The following PLAC1 variants were observed in gnomAD, a reference collection of about 807,000 sequenced individuals.
PLAC1 encodes the protein placenta-specific protein 1.
For synonymous variants in PLAC1, 68 were observed against 62.1 expected, an observed-to-expected ratio of 1.09 and a Z score of -0.44; for missense variants, 136 against 163.2, an observed-to-expected ratio of 0.83 and a Z score of 0.91.
In PLAC1 at chrX:134,576,326, C is replaced by T. The variant is rs771776231; in HGVS notation, c.-58-9586G>A. 3.0e-3 allele frequency among the ~76,000 whole-genome samples: 324 copies of T among 109,563 alleles called. 2 individuals carry two copies. Among genetic ancestry groups the T allele is most frequent in the Non-Finnish European group, 5.2e-3 (273 of 52,736 alleles). ...AGCTGAGGTGGGTGGATCACAAGGTCAGGAGTTCGAGACCAGCCTGGCCAA... is the reference window on the plus strand; with the variant it reads ...AGCTGAGGTGGGTGGATCACAAGGTTAGGAGTTCGAGACCAGCCTGGCCAA... On this transcript the variant is annotated intron_variant, in intron 2 of 2. Transcript: ENST00000359237.
At chrX:134,742,320 G>T (rs762101422) in intron 1 of PLAC1, among the ~76,000 whole-genome samples, 1 of 112,859 alleles carries the variant, frequency 8.9e-6, no homozygotes, top group African/African-American at 3.2e-5. Flanking sequence ...GGGCGCAGTG[G>T]CTCAAGCCTG....
At chrX:134,628,735 C>A (rs915718567) in intron 1 of PLAC1, among the ~76,000 whole-genome samples, 2 of 112,183 alleles carry the variant, frequency 1.8e-5, no homozygotes, top group African/African-American at 6.5e-5. Flanking sequence ...CTGCCTCTTT[C>A]TTTTAGTGGG....
intron 1 of PLAC1, among the ~76,000 whole-genome samples, chrX:134,762,844 AAAAAG>A (rs1172942170): frequency 2.2e-4 from 23 of 104,861 alleles, no homozygotes; most frequent in Admixed American, 5.2e-4. Context: ...AAAAAAAAAA[AAAAAG>A]AAAAGAAAAG....
At chrX:134,648,662 G>C (rs2124432495) in intron 1 of PLAC1, among the ~76,000 whole-genome samples, 1 of 111,608 alleles carries the variant, frequency 9.0e-6, no homozygotes, top group Non-Finnish European at 1.9e-5. Context: ...CTCCAGCCCG[G>C]GTGACAGAGC....
At chrX:134,649,399 A>G (rs2078351140) in intron 1 of PLAC1, among the ~76,000 whole-genome samples, 1 of 111,446 alleles carries the variant, frequency 9.0e-6, no homozygotes, top group South Asian at 3.8e-4. Flanking sequence ...GAAATACGCT[A>G]TGATGCCTTG....
chrX:134,763,860 G>GAAAGAAAGAAA (rs1321216252), intron 1 of PLAC1, among the ~76,000 whole-genome samples: 1 of 92,360 alleles, frequency 1.1e-5, no homozygotes, highest in African/African-American at 3.9e-5. Flanking sequence ...AAGAAAGAAA[G>GAAAGAAAGAAA]AGAAAAGAAA....
chrX:134,670,254 C>T (rs1260609510), intron 2 of PLAC1, among the ~76,000 whole-genome samples: 1 of 110,508 alleles, frequency 9.0e-6, no homozygotes, highest in African/African-American at 3.3e-5. Flanking sequence ...CATCTGTTTC[C>T]TGCTGACCTT....
At position 134,671,398 on chromosome X, in the gene PLAC1, G is replaced by A. The variant is rs191995162; in HGVS notation, n.174+62037C>T. 3.1e-4 allele frequency among the ~76,000 whole-genome samples: 34 copies of A among 111,289 alleles called. No individual in the cohort carries two copies. The Middle Eastern group carries it at 0.014, about 45-fold the overall frequency. The stretch of plus-strand genomic sequence containing the variant: ...GTCACTGTAAGTCAATGTATGATGC[G>A]ACCAGTTGTATTAGTCCGTTTTCAC... On this transcript the variant is annotated intron_variant and non_coding_transcript_variant, in intron 2 of 2. Transcript: ENST00000466797.
intron 2 of PLAC1, among the ~76,000 whole-genome samples, chrX:134,715,854 C>T (rs1012941510): frequency 8.0e-5 from 9 of 112,293 alleles, no homozygotes; most frequent in South Asian, 3.7e-4. Flanking sequence ...GTGTGTGTTA[C>T]GGAGGGGTGT....
At chrX:134,581,476 C>CTTTTTTTT (rs35457928) in intron 2 of PLAC1, among the ~76,000 whole-genome samples, 31 of 58,916 alleles carry the variant, frequency 5.3e-4, no homozygotes, top group East Asian at 7.2e-4. Context: ...TTCTCAGACT[C>CTTTTTTTT]TTTTTTTTTT....
At chrX:134,689,797 G>A (rs1037393079) in intron 2 of PLAC1, among the ~76,000 whole-genome samples, 2 of 111,967 alleles carry the variant, frequency 1.8e-5, no homozygotes, top group East Asian at 2.8e-4. Flanking sequence ...TCTGCAGTCC[G>A]TCTCTACTTT....
intron 1 of PLAC1, chrX:134,760,236 A>G (rs996871552): frequency 8.9e-6 from 1 of 111,927 alleles, no homozygotes; most frequent in African/African-American, 3.3e-5. Context: ...AAAAATGCCA[A>G]CGCCAACTAT....
intron 1 of PLAC1, among the ~76,000 whole-genome samples, chrX:134,640,257 A>G (rs746621784): frequency 1.8e-5 from 2 of 112,081 alleles, no homozygotes; most frequent in Non-Finnish European, 3.8e-5. Context: ...TGACCTAGGT[A>G]TGCCTGAGCT....
chrX:134,724,175 A>G (rs983074360), intron 2 of PLAC1, among the ~76,000 whole-genome samples: 2 of 112,111 alleles, frequency 1.8e-5, no homozygotes, highest in Admixed American at 1.9e-4. Flanking sequence ...GAAAAAATAC[A>G]TTAGTGGAAA....
chrX:134,609,732 G>A (rs140928496), intron 1 of PLAC1, among the ~76,000 whole-genome samples: 12 of 111,529 alleles, frequency 1.1e-4, no homozygotes, highest in African/African-American at 3.9e-4. Flanking sequence ...TTTCCTTGGT[G>A]CATCTGGGTG....
At chrX:134,617,610 G>T (rs931268444) in intron 1 of PLAC1, among the ~76,000 whole-genome samples, 3 of 111,660 alleles carry the variant, frequency 2.7e-5, no homozygotes, top group Non-Finnish European at 5.6e-5. Context: ...GCCTCATTTT[G>T]TTAATGAGGT....
intron 1 of PLAC1, among the ~76,000 whole-genome samples, chrX:134,649,665 T>C (rs2078352818): frequency 8.9e-6 from 1 of 112,255 alleles, no homozygotes; most frequent in Non-Finnish European, 1.9e-5. Flanking sequence ...CCAACCATTA[T>C]CACAAAACAC....
intron 1 of PLAC1, among the ~76,000 whole-genome samples, chrX:134,616,379 G>A (rs1257969799): frequency 8.9e-6 from 1 of 111,990 alleles, no homozygotes; most frequent in African/African-American, 3.2e-5. Context: ...GCTCACGCCT[G>A]TAATCCCAGC....
chrX:134,593,460 G>A (rs761953326), intron 2 of PLAC1, among the ~76,000 whole-genome samples: 5 of 112,401 alleles, frequency 4.4e-5, no homozygotes, highest in Non-Finnish European at 9.4e-5. Context: ...TGGGAATTAT[G>A]TCAAACATGT....
Sources: gnomAD v4.1 joint callset for allele counts (sites outside exome capture counted in the v4.1 genomes callset) on GRCh38, gnomAD v4.1.1 for gene constraint, MANE v1.5 for transcripts, NCBI Gene and HGNC (gene_info 2026-07-23, HGNC 2026-07-21) for gene names.